The following FOXP2 variants were observed in gnomAD, a reference collection of about 807,000 sequenced individuals.
FOXP2 encodes forkhead box P2.
FOXP2 carries 12 observed loss-of-function variants against 115.8 expected under a neutral mutation model. The observed-to-expected ratio is 0.10, with a 90% CI of 0.07 to 0.17. The LOEUF is 0.17. Among genes scored for constraint, FOXP2 ranks in the 10% least tolerant of loss-of-function variants. The probability of loss-of-function intolerance (pLI) is 1.00; values close to 1 mark genes in which losing one functional copy is unlikely to be tolerated. For synonymous variants in FOXP2, 328 were observed against 297.7 expected (o/e 1.10, Z -1.05); for missense variants, 629 against 843.5 (o/e 0.75, Z 3.15).
intron 2 of FOXP2, among the ~76,000 whole-genome samples, chr7:114,353,961 C>T (rs1188279697): frequency 6.6e-6 from 1 of 152,030 alleles, no homozygotes; most frequent in Admixed American, 6.6e-5. Context: ...GAGGGATGAC[C>T]AAAGACCTAG....
At chr7:114,169,106 A>G (rs914388421) in intron 1 of FOXP2, among the ~76,000 whole-genome samples, 1 of 152,226 alleles carries the variant, frequency 6.6e-6, no homozygotes, top group Non-Finnish European at 1.5e-5. Context: ...AGGGCAGTGC[A>G]GAAGGGAAAT....
rs772400461 is a variant in FOXP2, at chr7:114,292,381, T to C, written c.-11+4272T>C. Among the ~76,000 whole-genome samples the C allele has an allele frequency of 3.3e-5, 5 of 152,194 alleles. No individual in the cohort carries two copies. In the South Asian group the frequency reaches 8.3e-4, roughly 25 times the overall value. ...AGTACAGTTCCCAGCAGACTATTCC[T>C]CTTTGCCTAAAATTCATCCATTGCT... On this transcript the variant is annotated intron_variant, in intron 2 of 17. Coordinates refer to the FOXP2 transcript ENST00000634411.
intron 16 of FOXP2, among the ~76,000 whole-genome samples, chr7:114,678,306 C>T (rs904207947): frequency 6.6e-6 from 1 of 152,106 alleles, no homozygotes. Flanking sequence ...AACAATGACT[C>T]CTTTGCCTCA....
chr7:114,479,850 G>T (rs1796445850), intron 2 of FOXP2, among the ~76,000 whole-genome samples: 1 of 151,414 alleles, frequency 6.6e-6, no homozygotes, highest in Non-Finnish European at 1.5e-5. Context: ...TAACTAATGA[G>T]TTGCATAAAA....
intron 3 of FOXP2, among the ~76,000 whole-genome samples, chr7:114,559,591 A>G (rs1460306549): frequency 6.6e-6 from 1 of 152,146 alleles, no homozygotes; most frequent in Non-Finnish European, 1.5e-5. Flanking sequence ...ATCTTAAACT[A>G]TCTTATTTTG....
At chr7:114,493,461 G>A (rs1320029729) in intron 2 of FOXP2, among the ~76,000 whole-genome samples, 1 of 152,046 alleles carries the variant, frequency 6.6e-6, no homozygotes, top group Non-Finnish European at 1.5e-5. Flanking sequence ...TATAACAAAC[G>A]TATCACTCTG....
intron 2 of FOXP2, among the ~76,000 whole-genome samples, chr7:114,311,885 A>G (rs1438340066): frequency 6.6e-6 from 1 of 151,864 alleles, no homozygotes; most frequent in Admixed American, 6.6e-5. Context: ...GGGCCCTGGA[A>G]CCTCTTTTGT....
At chr7:114,612,801 A>G (rs1474789912) in intron 3 of FOXP2, among the ~76,000 whole-genome samples, 2 of 152,214 alleles carry the variant, frequency 1.3e-5, no homozygotes, top group Non-Finnish European at 2.9e-5. Context: ...ATAAATTATT[A>G]TATTTCCATA....
At chr7:114,536,876 C>T (rs1374799400) in intron 3 of FOXP2, among the ~76,000 whole-genome samples, 1 of 151,316 alleles carries the variant, frequency 6.6e-6, no homozygotes, top group Non-Finnish European at 1.5e-5. Flanking sequence ...ATATACACTG[C>T]AATTAATAAA....
intron 1 of FOXP2, among the ~76,000 whole-genome samples, chr7:114,153,957 C>T (rs1792591824): frequency 6.6e-6 from 1 of 152,042 alleles, no homozygotes; most frequent in Non-Finnish European, 1.5e-5. Flanking sequence ...AATAACAAGG[C>T]AGCAGATGGA....
intron 2 of FOXP2, among the ~76,000 whole-genome samples, chr7:114,311,642 G>A (rs1470770517): frequency 6.6e-6 from 1 of 152,106 alleles, no homozygotes; most frequent in Non-Finnish European, 1.5e-5. Flanking sequence ...GGGCCAGAGT[G>A]ACAACTGGTA....
chr7:114,352,821 G>A (rs1429250710), intron 2 of FOXP2, among the ~76,000 whole-genome samples: 3 of 152,086 alleles, frequency 2.0e-5, no homozygotes, highest in African/African-American at 7.2e-5. Flanking sequence ...GTGCAATTTA[G>A]CATATAATAA....
chr7:114,321,428 G>T (rs1797420078), intron 2 of FOXP2, among the ~76,000 whole-genome samples: 1 of 151,960 alleles, frequency 6.6e-6, no homozygotes, highest in African/African-American at 2.4e-5. Context: ...TTTTTCTCCT[G>T]ACCTCGTGGT....
Position 114,094,145 on chromosome 7 carries a change from A to C in FOXP2, c.-247+6307A>C, listed in dbSNP as rs1213886441. On this transcript the variant is annotated intron_variant, in intron 1 of 19. Coordinates refer to the FOXP2 transcript ENST00000635638. ...ATTGGAAAACATACTGTAAGTTTAC[A>C]AATTCTGTTTTCTTTCCTTTTTTCA... 2.6e-5 allele frequency among the ~76,000 whole-genome samples: 4 copies of C among 152,290 alleles called. No homozygotes were observed. The South Asian group carries it at 8.3e-4, about 32-fold the overall frequency.
intron 1 of FOXP2, among the ~76,000 whole-genome samples, chr7:114,196,303 C>T (rs1028189064): frequency 6.6e-6 from 1 of 152,106 alleles, no homozygotes; most frequent in Non-Finnish European, 1.5e-5. Flanking sequence ...AGCCACCACG[C>T]CCAGCCTAAA....
At chr7:114,574,932 G>T (rs1325202133) in intron 3 of FOXP2, among the ~76,000 whole-genome samples, 3 of 151,834 alleles carry the variant, frequency 2.0e-5, no homozygotes, top group African/African-American at 2.4e-5. Flanking sequence ...GGCCACATTT[G>T]ATCTTTCTCC....
chr7:114,170,283 C>T (rs982778124), intron 1 of FOXP2, among the ~76,000 whole-genome samples: 2 of 152,274 alleles, frequency 1.3e-5, no homozygotes, highest in South Asian at 2.1e-4. Context: ...TCTGATTGCT[C>T]CACCAACTGG....
intron 3 of FOXP2, among the ~76,000 whole-genome samples, chr7:114,548,309 C>T (rs1353574412): frequency 2.0e-5 from 3 of 152,212 alleles, no homozygotes; most frequent in Non-Finnish European, 4.4e-5. Context: ...CATATGAATA[C>T]CCATCACTTC....
At chr7:114,625,585 G>A (rs929162826) in intron 3 of FOXP2, among the ~76,000 whole-genome samples, 9 of 151,722 alleles carry the variant, frequency 5.9e-5, no homozygotes, top group African/African-American at 1.9e-4. Context: ...AATACCTAGA[G>A]TAGCTTGTGG....
Sources: allele counts gnomAD v4.1 joint callset (sites outside exome capture counted in the v4.1 genomes callset), GRCh38; gene constraint gnomAD v4.1.1; transcripts MANE v1.5; gene names NCBI Gene and HGNC (gene_info 2026-07-23, HGNC 2026-07-21).